Variants in PKHD1 observed in about 807,000 individuals in gnomAD.
The protein encoded by PKHD1 is fibrocystin.
Under a neutral mutation model 412.0 loss-of-function variants are expected in PKHD1, and 291 were observed. That is an observed-to-expected ratio of 0.71 (90% CI 0.64 to 0.78). The LOEUF (loss-of-function observed/expected upper bound fraction) is 0.78. PKHD1 is among the 30% of genes least tolerant of loss of function. PKHD1 has a pLI of 0.00. For synonymous variants in PKHD1, 1,777 were observed against 1,821.5 expected (o/e 0.98, Z 0.62); for missense variants, 4,825 against 4,950.7 (o/e 0.97, Z 0.76).
intron 35 of PKHD1, among the ~76,000 whole-genome samples, chr6:51,985,367 TC>T (rs1796074636): frequency 1.3e-5 from 2 of 152,206 alleles, no homozygotes; most frequent in African/African-American, 4.8e-5. Flanking sequence ...AACAATAGTT[TC>T]TGGGTTTATG....
At chr6:51,954,984 G>A (rs1215789492) in intron 36 of PKHD1, among the ~76,000 whole-genome samples, 2 of 152,148 alleles carry the variant, frequency 1.3e-5, no homozygotes, top group Middle Eastern at 3.4e-3. Flanking sequence ...AGAGGGTAAC[G>A]TTCCTTCTTT....
intron 29 of PKHD1, among the ~76,000 whole-genome samples, chr6:52,029,918 T>C (rs984327762): frequency 6.6e-6 from 1 of 152,168 alleles, no homozygotes; most frequent in East Asian, 1.9e-4. Flanking sequence ...TTAAGATAAA[T>C]TGAAAAGATA....
At chr6:51,927,643 G>C (rs970561412) in intron 37 of PKHD1, among the ~76,000 whole-genome samples, 6 of 152,200 alleles carry the variant, frequency 3.9e-5, no homozygotes, top group African/African-American at 1.4e-4. Flanking sequence ...GTAAGAAGGG[G>C]AGACTGGCTT....
intron 47 of PKHD1, among the ~76,000 whole-genome samples, chr6:51,869,243 T>A (rs1022419120): frequency 3.9e-5 from 6 of 152,132 alleles, no homozygotes; most frequent in Non-Finnish European, 7.4e-5. Flanking sequence ...TGGATTCTAT[T>A]TTTTGTGTGT....
chr6:51,971,392 G>A (rs1460026719), intron 35 of PKHD1, among the ~76,000 whole-genome samples: 1 of 152,190 alleles, frequency 6.6e-6, no homozygotes, highest in Non-Finnish European at 1.5e-5. Context: ...AAGGTGGGAT[G>A]CCAGTGCCAG....
chr6:51,799,491 ACT>A (rs1762584677), intron 52 of PKHD1, among the ~76,000 whole-genome samples: 2 of 152,134 alleles, frequency 1.3e-5, no homozygotes, highest in Admixed American at 6.6e-5. Context: ...ATGGAGGTTG[ACT>A]CTGTTTTTAT....
In PKHD1 at chr6:51,885,916, G is replaced by A. The variant is rs760820969; in HGVS notation, c.7166C>T (p.Thr2389Ile). ...FQPPWDNVTG[T>I]TLFQSFTVWE... The stretch of plus-strand genomic sequence containing the variant: ...AACTGTGAAGCTCTGGAACAGAGTG[G>A]TGCCAGTGACATTATCCCAAGGTGG... The change falls in exon 45 of 67, where the codon ACC becomes ATC. Residue 2389 changes from threonine (T) to isoleucine (I), a missense_variant. Coordinates refer to ENST00000371117, the MANE Select transcript of PKHD1 (RefSeq NM_138694.4). 21 of 1,613,532 alleles carry A rather than the reference G, an allele frequency of 1.3e-5. No individual in the cohort carries two copies. The highest frequency in any genetic ancestry group is 1.6e-5 in the Non-Finnish European group (19 of 1,179,692).
At chr6:51,954,102 A>C (rs1482496430) in intron 36 of PKHD1, among the ~76,000 whole-genome samples, 2 of 152,100 alleles carry the variant, frequency 1.3e-5, no homozygotes, top group Non-Finnish European at 2.9e-5. Flanking sequence ...ATATTCAGCC[A>C]TATCTCCTGT....
chr6:52,028,980 T>G (rs1802640415), intron 29 of PKHD1, among the ~76,000 whole-genome samples: 1 of 152,222 alleles, frequency 6.6e-6, no homozygotes, highest in Non-Finnish European at 1.5e-5. Context: ...ACATATTGGT[T>G]GCTTAACCTC....
chr6:51,880,779 T>TAAAAAAAAA (rs71544105), intron 46 of PKHD1, among the ~76,000 whole-genome samples: 16 of 30,042 alleles, frequency 5.3e-4, no homozygotes, highest in Admixed American at 8.5e-4. Context: ...AAAAAAAAAT[T>TAAAAAAAAA]AAAAAAAAAA....
intron 52 of PKHD1, among the ~76,000 whole-genome samples, chr6:51,809,882 AC>A (rs990319156): frequency 9.2e-5 from 14 of 151,380 alleles, no homozygotes; most frequent in African/African-American, 2.7e-4. Context: ...AAAAAAAAAA[AC>A]ATAGGCTTAC....
intron 60 of PKHD1, among the ~76,000 whole-genome samples, chr6:51,738,589 T>C (rs142070274): frequency 2.6e-4 from 39 of 152,326 alleles, no homozygotes; most frequent in Admixed American, 8.5e-4. Context: ...CATTTTACTA[T>C]GTGTAAGAGT....
rs1802025945 is a variant in PKHD1, at chr6:52,025,563, G to A, written c.4247C>T (p.Ser1416Phe). Residue 1416 changes from serine to phenylalanine, a missense_variant, in exon 32 of 67, where the codon TCT (serine) becomes TTT (phenylalanine). Ser to Phe is a radical substitution (Grantham distance 155, BLOSUM62 -2). Coordinates refer to ENST00000371117, the MANE Select transcript of PKHD1 (RefSeq NM_138694.4). ...GTCAACCCGAACTGACCTCCTTCTA[G>A]AGTTAAGAAGCAACCCCCTCACAGT... is the stretch of plus-strand genomic sequence containing the variant. ...ILTVRGLLLN[S>F]RRRSVRVDLS... 1 of 1,614,052 alleles carries A rather than the reference G, an allele frequency of 6.2e-7. No homozygotes were observed. Among genetic ancestry groups the A allele is most frequent in the Admixed American group, 1.7e-5 (1 of 59,990 alleles).
chr6:51,638,401 C>T (rs1768867563), intron 64 of PKHD1, among the ~76,000 whole-genome samples: 1 of 152,018 alleles, frequency 6.6e-6, no homozygotes, highest in African/African-American at 2.4e-5. Flanking sequence ...ATCAGATATG[C>T]AATTTACATA....
intron 60 of PKHD1, among the ~76,000 whole-genome samples, chr6:51,724,558 TCTA>T (rs1782328720): frequency 6.6e-6 from 1 of 152,212 alleles, no homozygotes; most frequent in Non-Finnish European, 1.5e-5. Flanking sequence ...ATCTCTGCAC[TCTA>T]CTATTACTAT....
At chr6:52,052,873 T>A (rs572973195) in intron 21 of PKHD1, among the ~76,000 whole-genome samples, 2 of 151,618 alleles carry the variant, frequency 1.3e-5, no homozygotes, top group African/African-American at 4.9e-5. Flanking sequence ...GAGAAAATCG[T>A]GGGGAAAATA....
At chr6:51,904,070 G>A (rs759134362) in intron 41 of PKHD1, 28 bp from the exon 42 acceptor site, 1 of 1,476,862 alleles carries the variant, frequency 6.8e-7, no homozygotes, top group East Asian at 2.3e-5. Flanking sequence ...CATTACTTGA[G>A]TATATTTTAT....
At chr6:51,896,039 T>A (rs1779893755) in intron 43 of PKHD1, among the ~76,000 whole-genome samples, 1 of 152,174 alleles carries the variant, frequency 6.6e-6, no homozygotes, top group Admixed American at 6.5e-5. Flanking sequence ...TCTCGCTGAT[T>A]GCTAGCACAG....
chr6:51,692,377 A>G (rs1398721882), intron 60 of PKHD1, among the ~76,000 whole-genome samples: 1 of 151,868 alleles, frequency 6.6e-6, no homozygotes, highest in Non-Finnish European at 1.5e-5. Flanking sequence ...CTCATCTTCC[A>G]TTCATCTCTA....
Sources: gnomAD v4.1 joint callset for allele counts (sites outside exome capture counted in the v4.1 genomes callset) on GRCh38, gnomAD v4.1.1 for gene constraint, MANE v1.5 for transcripts, NCBI Gene and HGNC (gene_info 2026-07-23, HGNC 2026-07-21) for gene names.